Variants in PARD3 observed in about 807,000 individuals in gnomAD.
PARD3 encodes the protein par-3 family cell polarity regulator.
Under a neutral mutation model 155.4 loss-of-function variants are expected in PARD3, and 75 were observed. The ratio of observed to expected loss-of-function variants is 0.48; its 90% confidence interval spans 0.40 to 0.58. The LOEUF (loss-of-function observed/expected upper bound fraction) is 0.58, where lower values mean the gene tolerates loss of function less well. Among genes scored for constraint, PARD3 ranks in the 20% least tolerant of loss-of-function variants. The pLI, the probability that PARD3 is intolerant of heterozygous loss-of-function variation, is 0.00. For missense variants in PARD3, 1,642 were observed against 1,721.7 expected, an observed-to-expected ratio of 0.95 and a Z score of 0.82; for synonymous variants, 576 against 610.5, an observed-to-expected ratio of 0.94 and a Z score of 0.83.
chr10:34,300,419 C>T (rs769865100), intron 20 of PARD3, among the ~76,000 whole-genome samples: 3 of 152,096 alleles, frequency 2.0e-5, no homozygotes, highest in Non-Finnish European at 4.4e-5. Context: ...CTCTGGGAGG[C>T]AGAGATGGGA....
At chr10:34,644,483 A>C (rs1281234549) in intron 2 of PARD3, among the ~76,000 whole-genome samples, 2 of 152,236 alleles carry the variant, frequency 1.3e-5, no homozygotes, top group Non-Finnish European at 2.9e-5. Context: ...GGCCCAGGGC[A>C]GCTGCAGGAG....
rs75839724 is a variant in PARD3 at position 34,796,224 on chromosome 10, C to A, written c.120+18652G>T. ...AGCCCAACATTCTAGTTAGTTACCC[C>A]CACCAAACACCAGATATATGAATGG... is the stretch of plus-strand genomic sequence containing the variant. On this transcript the variant is annotated intron_variant, in intron 1 of 24. Coordinates refer to ENST00000374788, the MANE Select transcript of PARD3 (RefSeq NM_001184785.2). 3.5e-3 allele frequency among the ~76,000 whole-genome samples: 532 copies of A among 152,092 alleles called. 4 individuals carry two copies. The highest frequency in any genetic ancestry group is 0.011 in the African/African-American group (473 of 41,454).
intron 1 of PARD3, among the ~76,000 whole-genome samples, chr10:34,766,793 A>G (rs1176825499): frequency 2.0e-5 from 3 of 152,184 alleles, no homozygotes; most frequent in Non-Finnish European, 4.4e-5. Context: ...ATTACAACGC[A>G]GGAACGTGGT....
chr10:34,402,022 G>A, intron 5 of PARD3, 105 bp from the exon 6 acceptor site: 1 of 882,246 alleles, frequency 1.1e-6, no homozygotes, highest in Non-Finnish European at 1.9e-6. Flanking sequence ...TTATGATCTT[G>A]GTAACTGTTT....
At chr10:34,665,568 C>G (rs1275894903) in intron 2 of PARD3, among the ~76,000 whole-genome samples, 1 of 151,672 alleles carries the variant, frequency 6.6e-6, no homozygotes, top group Non-Finnish European at 1.5e-5. Flanking sequence ...GGGCCTGGCA[C>G]GGTGCTCACA....
At chr10:34,690,928 C>T (rs2094046398) in intron 2 of PARD3, among the ~76,000 whole-genome samples, 1 of 152,192 alleles carries the variant, frequency 6.6e-6, no homozygotes, top group Non-Finnish European at 1.5e-5. Flanking sequence ...TACATCAAAA[C>T]ACAGCCGAGC....
chr10:34,790,735 T>C (rs1446366366), intron 1 of PARD3, among the ~76,000 whole-genome samples: 1 of 152,238 alleles, frequency 6.6e-6, no homozygotes, highest in Non-Finnish European at 1.5e-5. Flanking sequence ...CTAATGTAAG[T>C]AGGGTTTTTT....
chr10:34,596,349 C>T (rs2089254692), intron 2 of PARD3, among the ~76,000 whole-genome samples: 1 of 152,050 alleles, frequency 6.6e-6, no homozygotes, highest in Non-Finnish European at 1.5e-5. Flanking sequence ...TGATCTCACA[C>T]TGTTATGAAG....
At chr10:34,563,823 C>T (rs539975030) in intron 2 of PARD3, among the ~76,000 whole-genome samples, 3 of 152,092 alleles carry the variant, frequency 2.0e-5, no homozygotes, top group East Asian at 1.9e-4. Context: ...GATACCACAC[C>T]GAATCCATGT....
At chr10:34,802,572 C>G (rs959062717) in intron 1 of PARD3, among the ~76,000 whole-genome samples, 1 of 152,150 alleles carries the variant, frequency 6.6e-6, no homozygotes, top group African/African-American at 2.4e-5. Flanking sequence ...AAGCTTTGGT[C>G]TGGGGGGCCC....
chr10:34,550,417 G>T (rs1812551308), intron 2 of PARD3, among the ~76,000 whole-genome samples: 1 of 152,020 alleles, frequency 6.6e-6, no homozygotes, highest in Admixed American at 6.6e-5. Flanking sequence ...TTGCCATGTT[G>T]CCCAGGCTGG....
chr10:34,482,032 CTTTTTTTTTTT>C (rs58877037), intron 3 of PARD3, among the ~76,000 whole-genome samples: 2 of 101,598 alleles, frequency 2.0e-5, no homozygotes, highest in African/African-American at 4.9e-5. Context: ...TAATTTTTAT[CTTTTTTTTTTT>C]TTTTTTTTTG....
intron 2 of PARD3, among the ~76,000 whole-genome samples, chr10:34,527,799 G>A (rs2082579672): frequency 1.3e-5 from 2 of 152,024 alleles, no homozygotes; most frequent in African/African-American, 2.4e-5. Context: ...AAGAAGGAAG[G>A]GTGTGATTTT....
intron 20 of PARD3, among the ~76,000 whole-genome samples, chr10:34,302,435 A>G (rs751114365): frequency 2.0e-5 from 3 of 152,228 alleles, no homozygotes; most frequent in Non-Finnish European, 2.9e-5. Flanking sequence ...CACAACTGAA[A>G]AAAGTAAAAC....
intron 15 of PARD3, chr10:34,343,294 A>G: frequency 4.4e-6 from 4 of 908,778 alleles, no homozygotes; most frequent in Non-Finnish European, 5.3e-6. Context: ...TAGTGCATTC[A>G]TTTTTAAACA....
chr10:34,534,498 A>G (rs1245411462), intron 2 of PARD3, among the ~76,000 whole-genome samples: 1 of 152,138 alleles, frequency 6.6e-6, no homozygotes, highest in African/African-American at 2.4e-5. Flanking sequence ...GGGTCACATG[A>G]GCTCTCAGTG....
At chr10:34,170,156 T>C (rs1255604757) in intron 22 of PARD3, among the ~76,000 whole-genome samples, 2 of 152,206 alleles carry the variant, frequency 1.3e-5, no homozygotes, top group African/African-American at 4.8e-5. Context: ...GGTGCAATCA[T>C]AGCCTACTGC....
intron 4 of PARD3, among the ~76,000 whole-genome samples, chr10:34,460,534 C>A (rs2077576846): frequency 6.6e-6 from 1 of 152,018 alleles, no homozygotes; most frequent in African/African-American, 2.4e-5. Context: ...TACTTGCTCA[C>A]CAATAAAATA....
intron 4 of PARD3, among the ~76,000 whole-genome samples, chr10:34,462,380 G>C (rs935733316): frequency 6.6e-6 from 1 of 152,160 alleles, no homozygotes; most frequent in East Asian, 1.9e-4. Context: ...CTGGTCAAGT[G>C]TATTTTGTGG....
Sources: gnomAD v4.1 joint callset for allele counts (sites outside exome capture counted in the v4.1 genomes callset) on GRCh38, gnomAD v4.1.1 for gene constraint, MANE v1.5 for transcripts, NCBI Gene and HGNC (gene_info 2026-07-23, HGNC 2026-07-21) for gene names.